EDIL3: variants seen among roughly 807,000 people sequenced by gnomAD.
The protein encoded by EDIL3 is EGF-like repeat and discoidin I-like domain-containing protein 3.
EDIL3 carries 37 observed loss-of-function variants against 67.4 expected under a neutral mutation model. That is an observed-to-expected ratio of 0.55 (90% CI 0.42 to 0.72). The LOEUF (loss-of-function observed/expected upper bound fraction) is 0.72, where lower values mean the gene tolerates loss of function less well. EDIL3 is among the 30% of genes least tolerant of loss of function. EDIL3 has a pLI of 0.00. For synonymous variants in EDIL3, 195 were observed against 196.3 expected (o/e 0.99, Z 0.05); for missense variants, 527 against 586.3 (o/e 0.90, Z 1.04).
intron 6 of EDIL3, among the ~76,000 whole-genome samples, chr5:84,075,600 C>G (rs981098845): frequency 2.6e-5 from 4 of 152,040 alleles, no homozygotes; most frequent in African/African-American, 9.7e-5. Context: ...CTTAGCCTCT[C>G]GAATAGCTGG....
intron 3 of EDIL3, among the ~76,000 whole-genome samples, chr5:84,193,010 G>C (rs1043967015): frequency 1.3e-5 from 2 of 151,910 alleles, no homozygotes; most frequent in African/African-American, 2.4e-5. Flanking sequence ...AGGGCCTGTG[G>C]TAAGACTAGT....
intron 9 of EDIL3, among the ~76,000 whole-genome samples, chr5:84,039,355 T>C (rs1429769070): frequency 6.6e-6 from 1 of 152,164 alleles, no homozygotes; most frequent in Non-Finnish European, 1.5e-5. Flanking sequence ...ATTCATCTGA[T>C]TCCCAGCAAT....
chr5:84,116,881 C>T (rs1180470987), intron 5 of EDIL3, among the ~76,000 whole-genome samples: 1 of 152,110 alleles, frequency 6.6e-6, no homozygotes, highest in Non-Finnish European at 1.5e-5. Flanking sequence ...AGTAGAGATT[C>T]ATACTGGATG....
At chr5:84,300,952 A>G (rs529619629) in intron 1 of EDIL3, among the ~76,000 whole-genome samples, 1 of 151,904 alleles carries the variant, frequency 6.6e-6, no homozygotes, top group East Asian at 1.9e-4. Context: ...ACACACACAC[A>G]CGTCTCATAA....
chr5:84,028,110 G>A (rs930801058), intron 9 of EDIL3, among the ~76,000 whole-genome samples: 13 of 151,786 alleles, frequency 8.6e-5, no homozygotes, highest in South Asian at 4.2e-4. Context: ...TGTAATAATC[G>A]GCCTCATACA....
At chr5:84,280,659 GA>G (rs1745677866) in intron 1 of EDIL3, among the ~76,000 whole-genome samples, 1 of 152,190 alleles carries the variant, frequency 6.6e-6, no homozygotes, top group South Asian at 2.1e-4. Flanking sequence ...TTCTGTAAAG[GA>G]GAAAAACCTA....
chr5:84,124,220 A>C (rs554969211), intron 5 of EDIL3, among the ~76,000 whole-genome samples: 2 of 151,956 alleles, frequency 1.3e-5, no homozygotes, highest in African/African-American at 4.8e-5. Flanking sequence ...TTTAGATCGG[A>C]AAAGGGATTT....
rs868847580 is a variant in EDIL3, at chr5:84,132,493, A to G, written c.469+4748T>C. On this transcript the variant is annotated intron_variant, in intron 5 of 10. Transcript: ENST00000296591. ...TATAATATATATTTTAATATATATT[A>G]TATATTTTATATATAATATATATTT... Among the ~76,000 whole-genome samples the G allele has an allele frequency of 2.5e-4, 28 of 111,686 alleles. 2 individuals are homozygous for G. Among genetic ancestry groups the G allele is most frequent in the African/African-American group, 9.5e-4 (26 of 27,228 alleles). The allele number at this position is 111,686 out of a possible 152,430, so 73.3% of individuals were successfully genotyped here.
rs578001038 is a variant in EDIL3 at position 84,319,244 on chromosome 5, G to A, written c.68-65032C>T. Among the ~76,000 whole-genome samples, 89 of 116,884 alleles carry A rather than the reference G, an allele frequency of 7.6e-4. 23 individuals are homozygous for A. The highest frequency in any genetic ancestry group is 1.2e-3 in the Non-Finnish European group (62 of 51,840). 76.7% of individuals were successfully genotyped at this position (116,884 alleles called of 152,430 possible). ...TCCCAGCACTTTGGGAGGCCGAGGC[G>A]GGCGGATCACGAGGTCAGGAGATCG... On this transcript the variant is annotated intron_variant, in intron 1 of 10. Coordinates refer to ENST00000296591, the MANE Select transcript of EDIL3 (RefSeq NM_005711.5).
Position 83,943,420 on chromosome 5 carries a change from C to T in EDIL3, c.1442G>A (p.Ter481=). 6.2e-7 allele frequency: 1 copy of T among 1,612,384 alleles called. No homozygotes were observed. Among genetic ancestry groups the T allele is most frequent in the South Asian group, 1.1e-5 (1 of 91,048 alleles). The change falls in exon 11 of 11, where the codon TGA becomes TAA. Residue 481 remains the stop codon, a stop_retained_variant. Coordinates refer to ENST00000296591, the MANE Select transcript of EDIL3 (RefSeq NM_005711.5). The part of the protein sequence containing the change: ...SELLGCTEEE[*] ...AGGGTTGTGAAATGTAGCCTCCCCTCATTCCTCCTCTGTGCAGCCCAGCAG... is the reference window on the plus strand; with the variant it reads ...AGGGTTGTGAAATGTAGCCTCCCCTTATTCCTCCTCTGTGCAGCCCAGCAG...
intron 4 of EDIL3, among the ~76,000 whole-genome samples, chr5:84,170,864 G>A (rs904903632): frequency 8.6e-5 from 13 of 151,348 alleles, no homozygotes; most frequent in Non-Finnish European, 1.6e-4. Flanking sequence ...GTGTGATCTC[G>A]GCTCACTGCA....
intron 5 of EDIL3, among the ~76,000 whole-genome samples, chr5:84,133,290 T>C (rs1036905427): frequency 6.6e-6 from 1 of 151,920 alleles, no homozygotes; most frequent in Non-Finnish European, 1.5e-5. Context: ...AAGCTGTTTA[T>C]GGAAATAACT....
At chr5:84,345,436 T>C (rs946772451) in intron 1 of EDIL3, among the ~76,000 whole-genome samples, 4 of 152,194 alleles carry the variant, frequency 2.6e-5, no homozygotes, top group Non-Finnish European at 5.9e-5. Context: ...CTAAAAGCTA[T>C]GACTTAGGTT....
At chr5:84,007,530 A>T (rs1745439959) in intron 9 of EDIL3, among the ~76,000 whole-genome samples, 1 of 152,166 alleles carries the variant, frequency 6.6e-6, no homozygotes, top group Admixed American at 6.5e-5. Context: ...GGTTCTCAAT[A>T]TCATTAATTG....
chr5:84,326,172 G>C (rs997466753), intron 1 of EDIL3, among the ~76,000 whole-genome samples: 98 of 152,030 alleles, frequency 6.4e-4, no homozygotes, highest in Non-Finnish European at 1.1e-3. Context: ...ACCATGGGAT[G>C]ATCCATCAGG....
chr5:84,215,802 T>C (rs59636839), intron 3 of EDIL3, among the ~76,000 whole-genome samples: 6,560 of 152,148 alleles, frequency 0.043, 471 homozygotes, highest in African/African-American at 0.15. Flanking sequence ...TATGTTTGTG[T>C]TTGCTTTATA....
intron 6 of EDIL3, among the ~76,000 whole-genome samples, chr5:84,072,667 C>T (rs905468056): frequency 6.6e-6 from 1 of 152,116 alleles, no homozygotes; most frequent in Non-Finnish European, 1.5e-5. Flanking sequence ...AAAAGTTATT[C>T]CCTACAGCAC....
intron 9 of EDIL3, among the ~76,000 whole-genome samples, chr5:83,988,835 A>G (rs1287769063): frequency 6.6e-6 from 1 of 152,158 alleles, no homozygotes; most frequent in Non-Finnish European, 1.5e-5. Flanking sequence ...ACCATTACAA[A>G]TCTCAATACA....
intron 9 of EDIL3, among the ~76,000 whole-genome samples, chr5:84,022,781 A>G (rs1365555098): frequency 6.6e-6 from 1 of 152,030 alleles, no homozygotes; most frequent in Non-Finnish European, 1.5e-5. Context: ...AAAGAAATGA[A>G]GAGAGGTTGG....
Sources: allele counts gnomAD v4.1 joint callset (sites outside exome capture counted in the v4.1 genomes callset), GRCh38; gene constraint gnomAD v4.1.1; transcripts MANE v1.5; gene names NCBI Gene and HGNC (gene_info 2026-07-23, HGNC 2026-07-21).